PLEKHA8: variants seen among roughly 807,000 people sequenced by gnomAD.
PLEKHA8 encodes pleckstrin homology domain containing A8.
In PLEKHA8, 36 loss-of-function variants were observed where a neutral mutation model predicts 68.2. That is an observed-to-expected ratio of 0.53 (90% CI 0.40 to 0.70). PLEKHA8 has a LOEUF of 0.70. Ranked by LOEUF, PLEKHA8 falls within the 30% of genes least tolerant of loss-of-function variation. The pLI is 0.00. For missense variants in PLEKHA8, 505 were observed against 615.4 expected (o/e 0.82, Z 1.90); for synonymous variants, 211 against 216.1 (o/e 0.98, Z 0.20).
intron 12 of PLEKHA8, among the ~76,000 whole-genome samples, chr7:30,068,433 A>G (rs1199104050): frequency 3.9e-5 from 6 of 152,226 alleles, no homozygotes; most frequent in Non-Finnish European, 7.3e-5. Flanking sequence ...GTAAAATGAT[A>G]GAATATTGCC....
rs538099481 is a variant in PLEKHA8, at chr7:30,115,866, A to G, written c.1363-13400A>G. 2 of 150,616 alleles carry G rather than the reference A, an allele frequency of 1.3e-5. 1 individual carries two copies. The highest frequency in any genetic ancestry group is 4.2e-4 in the South Asian group (2 of 4,792). 9.3% of individuals were successfully genotyped at this position (150,616 alleles called of 1,614,324 possible). Reference sequence around the variant, plus strand: ...TACACGTATGCATACATACGTGCACATACATGTAGGCACGCATACATGCGT... The same window carrying G: ...TACACGTATGCATACATACGTGCACGTACATGTAGGCACGCATACATGCGT... On this transcript the variant is annotated intron_variant, in intron 13 of 13. Transcript: ENST00000396257.
chr7:30,101,629 A>G (rs899904076), intron 13 of PLEKHA8, among the ~76,000 whole-genome samples: 1 of 152,200 alleles, frequency 6.6e-6, no homozygotes, highest in Non-Finnish European at 1.5e-5. Context: ...AGGCGCTAGG[A>G]TTTCAACATA....
intron 12 of PLEKHA8, 151 bp from the exon 13 acceptor site, chr7:30,073,920 T>C: frequency 1.9e-6 from 1 of 524,130 alleles, no homozygotes; most frequent in African/African-American, 2.0e-5. Flanking sequence ...AGCGCAGGAG[T>C]TCAAGGCTGC....
chr7:30,087,639 A>G (rs926679119), downstream of PLEKHA8, among the ~76,000 whole-genome samples: 1 of 152,172 alleles, frequency 6.6e-6, no homozygotes, highest in Non-Finnish European at 1.5e-5. Context: ...GTGCACAGCT[A>G]TGCTTGATCT....
chr7:30,048,027 A>G (rs925955048), intron 4 of PLEKHA8, 71 bp downstream of exon 4: 1 of 864,840 alleles, frequency 1.2e-6, no homozygotes, highest in Non-Finnish European at 1.5e-6. Flanking sequence ...AGTATATCCA[A>G]TTCTGAGGTA....
At chr7:30,121,585 C>T (rs779268495) in intron 13 of PLEKHA8, among the ~76,000 whole-genome samples, 55 of 152,064 alleles carry the variant, frequency 3.6e-4, no homozygotes, top group South Asian at 6.2e-4. Flanking sequence ...GCAGAGATTG[C>T]GCCACTGCAC....
In PLEKHA8 at chr7:30,096,815, G is replaced by C. The variant is rs141887770; in HGVS notation, c.1362+22683G>C. Among the ~76,000 whole-genome samples the C allele has an allele frequency of 7.4e-4, 112 of 152,218 alleles. No individual in the cohort carries two copies. In the East Asian group the frequency reaches 0.015, roughly 20 times the overall value. On this transcript the variant is annotated intron_variant, in intron 13 of 13. Coordinates refer to the PLEKHA8 transcript ENST00000396257. ...CTGTGTCTTTTAATTGGAGCATTTAGCCCATTTACACTTAAGGTCAATATT... is the reference window on the plus strand; with the variant it reads ...CTGTGTCTTTTAATTGGAGCATTTACCCCATTTACACTTAAGGTCAATATT...
At chr7:30,062,317 C>A (rs1793507592) in intron 11 of PLEKHA8, among the ~76,000 whole-genome samples, 1 of 152,156 alleles carries the variant, frequency 6.6e-6, no homozygotes, top group African/African-American at 2.4e-5. Flanking sequence ...TCAGAATCAT[C>A]TGGAGGACTT....
rs924234011 is a variant in PLEKHA8, at chr7:30,048,021, T to C, written c.438+65T>C. 12 of 921,564 alleles carry C rather than the reference T, an allele frequency of 1.3e-5. No individual in the cohort carries two copies. The African/African-American group carries it at 1.8e-4, about 14-fold the overall frequency. The allele number at this position is 921,564 out of a possible 1,614,324, so 57.1% of individuals were successfully genotyped here. ...AATATAAAAGAAGTGACTACCAGTA[T>C]ATCCAATTCTGAGGTAAAATATTAT... On this transcript the variant is annotated intron_variant, in intron 4 of 13. Transcript: ENST00000449726.
At chr7:30,115,539 T>C (rs1164741565) in intron 13 of PLEKHA8, among the ~76,000 whole-genome samples, 1 of 148,728 alleles carries the variant, frequency 6.7e-6, no homozygotes, top group African/African-American at 2.5e-5. Context: ...TAGACATATG[T>C]ACACATGCAC....
Position 30,048,019 on chromosome 7 carries a change from T to C in PLEKHA8, c.438+63T>C, listed in dbSNP as rs977410573. ...ATAATATAAAAGAAGTGACTACCAG[T>C]ATATCCAATTCTGAGGTAAAATATT... On this transcript the variant is annotated intron_variant, in intron 4 of 13. Coordinates refer to ENST00000449726, the MANE Select transcript of PLEKHA8 (RefSeq NM_001197026.2). 1.7e-5 allele frequency: 16 copies of C among 936,714 alleles called. No individual in the cohort carries two copies. The African/African-American group carries it at 2.6e-4, about 15-fold the overall frequency. 58.0% of individuals were successfully genotyped at this position (936,714 alleles called of 1,614,324 possible).
chr7:30,079,298 T>C lies in PLEKHA8; in HGVS notation c.*511T>C, dbSNP rs1465819229. 18 of 988,988 alleles carry C rather than the reference T, an allele frequency of 1.8e-5. No homozygotes were observed. In the South Asian group the frequency reaches 6.0e-4, roughly 33 times the overall value. 61.3% of individuals were successfully genotyped at this position (988,988 alleles called of 1,614,324 possible). Reference sequence around the variant, plus strand: ...ACCCTCTTCACTGCAACTCTGTCAGTGATAAGGGCCTGTGTAGTAAAGATG... The same window carrying C: ...ACCCTCTTCACTGCAACTCTGTCAGCGATAAGGGCCTGTGTAGTAAAGATG... On this transcript the variant is annotated 3_prime_UTR_variant, in exon 14 of 14. Coordinates refer to ENST00000449726, the MANE Select transcript of PLEKHA8 (RefSeq NM_001197026.2).
intron 13 of PLEKHA8, among the ~76,000 whole-genome samples, chr7:30,108,083 A>AACAAAAAAAAAAAC (rs1796135939): frequency 6.9e-6 from 1 of 144,460 alleles, no homozygotes; most frequent in Non-Finnish European, 1.5e-5. Flanking sequence ...AAAAAAAAAA[A>AACAAAAAAAAAAAC]AAAAAAAAAC....
chr7:30,080,051 A>G lies in PLEKHA8; in HGVS notation c.*1264A>G. ...CTTTGCATTGCATTCGGGGACCATG[A>G]CTCTGAATCTGCTTACCAATCAATC... On this transcript the variant is annotated 3_prime_UTR_variant, in exon 14 of 14. Transcript: ENST00000449726. The G allele has an allele frequency of 1.0e-6, 1 of 985,346 alleles. No individual in the cohort carries two copies. The highest frequency in any genetic ancestry group is 1.2e-6 in the Non-Finnish European group (1 of 829,916). The allele number at this position is 985,346 out of a possible 1,614,324, so 61.0% of individuals were successfully genotyped here. A position where few individuals can be genotyped will look rare whatever the true frequency, so the allele number is the denominator to read the frequency against.
At chr7:30,043,922 A>G (rs1001424704) in intron 1 of PLEKHA8, among the ~76,000 whole-genome samples, 8 of 152,100 alleles carry the variant, frequency 5.3e-5, no homozygotes, top group African/African-American at 1.4e-4. Flanking sequence ...TGGCAGTCCT[A>G]TGAGAGAAAT....
chr7:30,105,280 G>T (rs1227981518), intron 13 of PLEKHA8, among the ~76,000 whole-genome samples: 1 of 144,498 alleles, frequency 6.9e-6, no homozygotes, highest in African/African-American at 2.6e-5. Context: ...AGGCCAGCCT[G>T]GGCAACATGG....
chr7:30,083,885 A>G lies in PLEKHA8; in HGVS notation c.*5098A>G. 2 of 985,442 alleles carry G rather than the reference A, an allele frequency of 2.0e-6. No individual in the cohort carries two copies. The highest frequency in any genetic ancestry group is 2.4e-6 in the Non-Finnish European group (2 of 829,922). 61.0% of individuals were successfully genotyped at this position (985,442 alleles called of 1,614,324 possible). A position where few individuals can be genotyped will look rare whatever the true frequency, so the allele number is the denominator to read the frequency against. ...CCCTTACAAAGTCGATCTTACCCAC[A>G]CAGACTCCTGTGTATGCGTGTCTGT... On this transcript the variant is annotated 3_prime_UTR_variant, in exon 14 of 14. Coordinates refer to ENST00000449726, the MANE Select transcript of PLEKHA8 (RefSeq NM_001197026.2).
At chr7:30,046,691 C>G (rs1791989210) in intron 3 of PLEKHA8, among the ~76,000 whole-genome samples, 2 of 152,120 alleles carry the variant, frequency 1.3e-5, no homozygotes, top group Admixed American at 6.6e-5. Context: ...GGTAATAGAT[C>G]CTACCTTAGG....
chr7:30,030,308 T>TC (rs1184288890), intron 1 of PLEKHA8, among the ~76,000 whole-genome samples: 2 of 152,222 alleles, frequency 1.3e-5, no homozygotes, highest in African/African-American at 4.8e-5. Flanking sequence ...TGGGGTTTTT[T>TC]CCCCCTCTTT....
Sources: gnomAD v4.1 joint callset for allele counts (sites outside exome capture counted in the v4.1 genomes callset) on GRCh38, gnomAD v4.1.1 for gene constraint, MANE v1.5 for transcripts, NCBI Gene and HGNC (gene_info 2026-07-23, HGNC 2026-07-21) for gene names.